The following CADM2 variants were observed in gnomAD, a reference collection of about 807,000 sequenced individuals.
CADM2 encodes immunoglobulin superfamily member 4D.
CADM2 carries 12 observed loss-of-function variants against 49.8 expected under a neutral mutation model. The ratio of observed to expected loss-of-function variants is 0.24; its 90% CI spans 0.15 to 0.39. The LOEUF is 0.39. Among genes scored for constraint, CADM2 ranks in the 10% least tolerant of loss-of-function variants. The probability of loss-of-function intolerance (pLI) is 1.00; values close to 1 mark genes in which losing one functional copy is unlikely to be tolerated. For synonymous variants in CADM2, 214 were observed against 175.4 expected, an observed-to-expected ratio of 1.22 and a Z score of -1.74; for missense variants, 378 against 492.3, an observed-to-expected ratio of 0.77 and a Z score of 2.20.
At chr3:85,238,910 G>C (rs1245749376) in intron 1 of CADM2, among the ~76,000 whole-genome samples, 1 of 151,326 alleles carries the variant, frequency 6.6e-6, no homozygotes, top group Non-Finnish European at 1.5e-5. Flanking sequence ...TTTATTCAAG[G>C]GATACAAACT....
chr3:85,446,609 T>TTG, intron 1 of CADM2, among the ~76,000 whole-genome samples: 1 of 150,104 alleles, frequency 6.7e-6, no homozygotes, highest in East Asian at 2.0e-4. Flanking sequence ...TTTTTGTTTT[T>TTG]TTTTTTTTTT....
chr3:85,344,779 ATAGT>A (rs1418150315), intron 1 of CADM2, among the ~76,000 whole-genome samples: 1 of 152,170 alleles, frequency 6.6e-6, no homozygotes, highest in African/African-American at 2.4e-5. Context: ...TCTACATTCC[ATAGT>A]TAGATTGAGT....
chr3:85,523,052 C>T (rs2061064457), intron 1 of CADM2, among the ~76,000 whole-genome samples: 1 of 150,924 alleles, frequency 6.6e-6, no homozygotes, highest in Admixed American at 6.6e-5. Flanking sequence ...TTTGATCAGA[C>T]CCCCACACAT....
intron 1 of CADM2, among the ~76,000 whole-genome samples, chr3:85,237,411 G>A (rs2042431933): frequency 6.6e-6 from 1 of 151,428 alleles, no homozygotes; most frequent in Non-Finnish European, 1.5e-5. Context: ...TAATTTTACA[G>A]GTAAAGATAT....
At chr3:85,944,106 TG>T (rs1722324341) in intron 7 of CADM2, among the ~76,000 whole-genome samples, 1 of 151,080 alleles carries the variant, frequency 6.6e-6, no homozygotes, top group Non-Finnish European at 1.5e-5. Context: ...AAACGAAAAA[TG>T]GCAGGGTTGC....
At chr3:85,961,030 C>T (rs1724746230) in intron 7 of CADM2, among the ~76,000 whole-genome samples, 1 of 145,562 alleles carries the variant, frequency 6.9e-6, no homozygotes, top group African/African-American at 2.5e-5. Flanking sequence ...TATTTATACT[C>T]ATATTTTATA....
chr3:85,301,809 T>C (rs1315356042), intron 1 of CADM2, among the ~76,000 whole-genome samples: 2 of 152,032 alleles, frequency 1.3e-5, no homozygotes, highest in African/African-American at 4.8e-5. Context: ...GTGAGTGATA[T>C]GAGCTCAGGT....
intron 1 of CADM2, among the ~76,000 whole-genome samples, chr3:85,026,101 T>C (rs116109368): frequency 0.016 from 2,371 of 152,328 alleles, 61 homozygotes; most frequent in African/African-American, 0.054. Flanking sequence ...TCAAGACTTT[T>C]GTAAAAATAA....
chr3:85,917,205 C>T (rs1327761639), intron 6 of CADM2, among the ~76,000 whole-genome samples: 4 of 152,100 alleles, frequency 2.6e-5, no homozygotes, highest in African/African-American at 9.7e-5. Context: ...TCTTTTGTTG[C>T]CATTGCTTTT....
At chr3:85,814,986 G>A (rs1213798532) in intron 3 of CADM2, among the ~76,000 whole-genome samples, 1 of 151,852 alleles carries the variant, frequency 6.6e-6, no homozygotes, top group Non-Finnish European at 1.5e-5. Context: ...AAATAAACTA[G>A]AAAACCTAGG....
At chr3:85,374,435 T>C (rs760665784) in intron 1 of CADM2, among the ~76,000 whole-genome samples, 1 of 152,152 alleles carries the variant, frequency 6.6e-6, no homozygotes, top group African/African-American at 2.4e-5. Flanking sequence ...TGTAGGATGC[T>C]CCAAACTTTC....
intron 3 of CADM2, among the ~76,000 whole-genome samples, chr3:85,871,972 A>C (rs1446315391): frequency 2.0e-5 from 3 of 152,172 alleles, no homozygotes; most frequent in Admixed American, 6.5e-5. Context: ...ATTATTTTCA[A>C]ATCGTGTATT....
intron 7 of CADM2, among the ~76,000 whole-genome samples, chr3:85,948,051 C>G (rs1336729170): frequency 6.6e-6 from 1 of 151,480 alleles, no homozygotes; most frequent in African/African-American, 2.4e-5. Context: ...GTAGATTTTT[C>G]AGACATGCAC....
intron 7 of CADM2, among the ~76,000 whole-genome samples, chr3:85,938,190 G>A (rs940558373): frequency 6.6e-6 from 1 of 151,966 alleles, no homozygotes; most frequent in Non-Finnish European, 1.5e-5. Context: ...TTTAAAAACA[G>A]TCTAATTTTT....
chr3:85,148,018 T>C (rs1352971531), intron 1 of CADM2, among the ~76,000 whole-genome samples: 1 of 152,226 alleles, frequency 6.6e-6, no homozygotes, highest in Non-Finnish European at 1.5e-5. Flanking sequence ...ATGATCACAC[T>C]TAGAAGTTAT....
chr3:85,568,451 C>CTCTTTCTCTCTCTTTCTTTCTT (rs2062354345), intron 1 of CADM2, among the ~76,000 whole-genome samples: 7 of 20,096 alleles, frequency 3.5e-4, no homozygotes, highest in Admixed American at 7.6e-4. Flanking sequence ...TTCTTTCTTT[C>CTCTTTCTCTCTCTTTCTTTCTT]TTTCTTTCTT....
At position 85,821,688 on chromosome 3, in the gene CADM2, C is replaced by T. The variant is rs557979213; in HGVS notation, c.238+19492C>T. Among the ~76,000 whole-genome samples, 3 of 152,206 alleles carry T rather than the reference C, an allele frequency of 2.0e-5. No homozygotes were observed. The South Asian group carries it at 6.2e-4, about 32-fold the overall frequency. On this transcript the variant is annotated intron_variant, in intron 3 of 9. Transcript: ENST00000383699. ...CTAGGTGTGGAGCTGCAATGGTGAT[C>T]ATGACAAACTAACCTTATTCATGGA...
At position 84,989,815 on chromosome 3, in the gene CADM2, A is replaced by G. The variant is rs1347558709; in HGVS notation, c.61+30147A>G. On this transcript the variant is annotated intron_variant, in intron 1 of 9. Coordinates refer to ENST00000383699, the MANE Select transcript of CADM2 (RefSeq NM_001167675.2). ...CTTAGCACCTTGCTTGTCACATGATAAGGACTCCATAAATATTAAGTATTG... is the reference window on the plus strand; with the variant it reads ...CTTAGCACCTTGCTTGTCACATGATGAGGACTCCATAAATATTAAGTATTG... Among the ~76,000 whole-genome samples the G allele has an allele frequency of 2.6e-5, 4 of 152,030 alleles. No individual in the cohort carries two copies. In the East Asian group the frequency reaches 7.7e-4, roughly 29 times the overall value.
chr3:85,948,686 A>G (rs1212012974), intron 7 of CADM2, among the ~76,000 whole-genome samples: 1 of 151,446 alleles, frequency 6.6e-6, no homozygotes, highest in Non-Finnish European at 1.5e-5. Flanking sequence ...TCAAACGTAT[A>G]GAAGCTTCTA....
Sources: gnomAD v4.1 joint callset for allele counts (sites outside exome capture counted in the v4.1 genomes callset) on GRCh38, gnomAD v4.1.1 for gene constraint, MANE v1.5 for transcripts, NCBI Gene and HGNC (gene_info 2026-07-23, HGNC 2026-07-21) for gene names.